Variants in WASHC2A observed in about 807,000 individuals in gnomAD.
WASHC2A encodes WASH complex subunit 2A.
A neutral mutation model predicts 140.3 loss-of-function variants in WASHC2A; 82 were observed. The observed-to-expected ratio is 0.58, with a 90% CI of 0.49 to 0.70. WASHC2A has a LOEUF of 0.70. Among genes scored for constraint, WASHC2A ranks in the 30% least tolerant of loss-of-function variants. The pLI is 0.00. For missense variants in WASHC2A, 985 were observed against 1,521.8 expected (o/e 0.65, Z 5.87); for synonymous variants, 340 against 560.8 (o/e 0.61, Z 5.56).
intron 17 of WASHC2A, among the ~76,000 whole-genome samples, chr10:50,100,692 C>T (rs1306076141): frequency 1.3e-5 from 2 of 152,196 alleles, no homozygotes; most frequent in African/African-American, 4.8e-5. Context: ...CATGCTACTT[C>T]CTTTATTCAC....
intron 17 of WASHC2A, among the ~76,000 whole-genome samples, chr10:50,101,882 G>A (rs1841224369): frequency 1.3e-5 from 2 of 151,642 alleles, no homozygotes; most frequent in Non-Finnish European, 2.9e-5. Flanking sequence ...CACTAGCCCT[G>A]TGTGGCTCCC....
chr10:50,104,991 T>G (rs1201280115), intron 18 of WASHC2A, among the ~76,000 whole-genome samples: 2 of 151,444 alleles, frequency 1.3e-5, no homozygotes, highest in Non-Finnish European at 2.9e-5. Flanking sequence ...TTCAAATTGT[T>G]GCAAATGTCC....
intron 27 of WASHC2A, 128 bp downstream of exon 27, chr10:50,127,350 T>G: frequency 6.4e-7 from 1 of 1,566,870 alleles, no homozygotes; most frequent in Non-Finnish European, 8.8e-7. Flanking sequence ...CCCCTGCACC[T>G]AGTTGTTGTC....
chr10:50,097,939 C>A (rs1840654198), intron 16 of WASHC2A, 137 bp downstream of exon 16: 2 of 1,065,498 alleles, frequency 1.9e-6, no homozygotes, highest in Admixed American at 5.8e-5. Context: ...AAGAACATTG[C>A]AGTGAACACC....
intron 3 of WASHC2A, among the ~76,000 whole-genome samples, chr10:50,077,680 AT>A (rs1554878488): frequency 6.6e-6 from 1 of 152,024 alleles, no homozygotes; most frequent in African/African-American, 2.4e-5. Context: ...ATTTCATTTC[AT>A]TTTATTTTTG....
Position 50,087,322 on chromosome 10 carries a change from G to T in WASHC2A, c.732G>T (p.Arg244=). The T allele has an allele frequency of 6.2e-7, 1 of 1,613,898 alleles. No homozygotes were observed. Among genetic ancestry groups the T allele is most frequent in the African/African-American group, 1.3e-5 (1 of 75,028 alleles). ...FAHHSDNEQN[R]HTTQMSDEEE... ...ATCATAGTGACAATGAACAAAACCG[G>T]GTAAGGCTCATATATTGAAATGACT... The change falls in exon 8 of 31, where the codon CGG becomes CGT. Residue 244 remains arginine (R), a splice_region_variant and synonymous_variant. Transcript: ENST00000282633.
chr10:50,113,464 G>A (rs1842447585), intron 20 of WASHC2A, among the ~76,000 whole-genome samples: 1 of 152,030 alleles, frequency 6.6e-6, no homozygotes, highest in Admixed American at 6.6e-5. Context: ...CCAGGCACAG[G>A]GTCATTTCCC....
chr10:50,126,344 C>T, intron 26 of WASHC2A, 165 bp downstream of exon 26: 1 of 1,226,106 alleles, frequency 8.2e-7, no homozygotes, highest in Non-Finnish European at 1.2e-6. Flanking sequence ...CATCTCCCCT[C>T]TCCTCGCTCC....
At chr10:50,101,995 C>T (rs1841241705) in intron 17 of WASHC2A, among the ~76,000 whole-genome samples, 1 of 152,216 alleles carries the variant, frequency 6.6e-6, no homozygotes, top group Admixed American at 6.5e-5. Flanking sequence ...TTCTTTGTTC[C>T]AGCCTTGGAA....
chr10:50,072,301 C>G (rs1837913907), intron 3 of WASHC2A, among the ~76,000 whole-genome samples: 1 of 151,630 alleles, frequency 6.6e-6, no homozygotes, highest in South Asian at 2.1e-4. Flanking sequence ...AGCCAGAACT[C>G]TTCTCCGGAT....
At chr10:50,086,602 C>T (rs2997926) in intron 7 of WASHC2A, among the ~76,000 whole-genome samples, 2 of 116,374 alleles carry the variant, frequency 1.7e-5, no homozygotes, top group African/African-American at 6.5e-5. Flanking sequence ...CCCCTCCCCC[C>T]ACCCCACCAC....
At chr10:50,090,565 A>G (rs1267331602) in intron 8 of WASHC2A, among the ~76,000 whole-genome samples, 1 of 145,640 alleles carries the variant, frequency 6.9e-6, no homozygotes, top group Non-Finnish European at 1.5e-5. Flanking sequence ...TATTTTATAT[A>G]TATTTTTATA....
At chr10:50,077,669 A>C (rs536396726) in intron 3 of WASHC2A, among the ~76,000 whole-genome samples, 4 of 152,320 alleles carry the variant, frequency 2.6e-5, no homozygotes, top group South Asian at 2.1e-4. Context: ...AAAAAATTTT[A>C]ATTTCATTTC....
rs1335555276 is a variant in WASHC2A, at chr10:50,124,334, C to A, written c.2479-779C>A. Among the ~76,000 whole-genome samples the A allele has an allele frequency of 2.6e-5, 4 of 151,534 alleles. No individual in the cohort carries two copies. The Admixed American group carries it at 2.6e-4, about 10-fold the overall frequency. On this transcript the variant is annotated intron_variant, in intron 23 of 30. Coordinates refer to ENST00000282633, the MANE Select transcript of WASHC2A (RefSeq NM_001005751.3). ...GGCCAGGCTGGTCTCGAACTCCTGG[C>A]CTCTGGTAATCCACCCACCTTGGCC...
In WASHC2A at chr10:50,133,007, A is replaced by T. The variant is rs1258125891; in HGVS notation, c.*62A>T. 3 of 1,611,556 alleles carry T rather than the reference A, an allele frequency of 1.9e-6. No homozygotes were observed. The highest frequency in any genetic ancestry group is 1.7e-6 in the Non-Finnish European group (2 of 1,179,584). On this transcript the variant is annotated 3_prime_UTR_variant, in exon 31 of 31. Coordinates refer to ENST00000282633, the MANE Select transcript of WASHC2A (RefSeq NM_001005751.3). ...ATTGTTGAGTTAGTGATGATGTTGT[A>T]TATGCTGATGGTCTTAACTGGATTA...
At chr10:50,100,185 A>C in intron 17 of WASHC2A, 121 bp downstream of exon 17, 1 of 1,489,040 alleles carries the variant, frequency 6.7e-7, no homozygotes, top group African/African-American at 1.4e-5. Context: ...CCAGTTCTTT[A>C]AAAATTATCT....
intron 20 of WASHC2A, among the ~76,000 whole-genome samples, chr10:50,112,594 CTTGTA>C (rs1688383967): frequency 8.2e-6 from 1 of 121,628 alleles, no homozygotes; most frequent in African/African-American, 3.0e-5. Context: ...CATATAAAAA[CTTGTA>C]CATGAGTGTT....
intron 8 of WASHC2A, among the ~76,000 whole-genome samples, chr10:50,089,498 T>G (rs1349031778): frequency 3.1e-4 from 47 of 152,118 alleles, no homozygotes; most frequent in African/African-American, 1.1e-3. Flanking sequence ...CAGATAAGGC[T>G]AAGTTTGAGC....
At chr10:50,107,732 A>C (rs1233854585) in intron 19 of WASHC2A, among the ~76,000 whole-genome samples, 2 of 150,050 alleles carry the variant, frequency 1.3e-5, no homozygotes, top group Non-Finnish European at 1.5e-5. Context: ...GACCAGCCTA[A>C]CCAACATGGA....
Sources: allele counts gnomAD v4.1 joint callset (sites outside exome capture counted in the v4.1 genomes callset), GRCh38; gene constraint gnomAD v4.1.1; transcripts MANE v1.5; gene names NCBI Gene and HGNC (gene_info 2026-07-23, HGNC 2026-07-21).